IL16: variants seen among roughly 807,000 people sequenced by gnomAD.
IL16 encodes interleukin 16.
In IL16, 67 loss-of-function variants were observed where a neutral mutation model predicts 110.1. The ratio of observed to expected loss-of-function variants is 0.61; its 90% CI spans 0.50 to 0.75. The LOEUF (loss-of-function observed/expected upper bound fraction) is 0.75, where lower values mean the gene tolerates loss of function less well. IL16 is among the 30% of genes least tolerant of loss of function. The pLI, the probability that IL16 is intolerant of heterozygous loss-of-function variation, is 0.00. For synonymous variants in IL16, 689 were observed against 662.9 expected, an observed-to-expected ratio of 1.04 and a Z score of -0.61; for missense variants, 1,545 against 1,655.0, an observed-to-expected ratio of 0.93 and a Z score of 1.15.
chr15:81,186,086 A>G (rs537909241), intron 1 of IL16, among the ~76,000 whole-genome samples: 9 of 152,020 alleles, frequency 5.9e-5, no homozygotes, highest in Admixed American at 1.3e-4. Flanking sequence ...CTGGCAGCCA[A>G]CCCCTCAGTG....
intron 2 of IL16, among the ~76,000 whole-genome samples, chr15:81,233,592 A>G (rs1202272557): frequency 1.3e-5 from 2 of 151,882 alleles, no homozygotes; most frequent in African/African-American, 4.8e-5. Flanking sequence ...ATATATATAC[A>G]TGCATATACA....
chr15:81,208,677 C>T (rs999023162), intron 1 of IL16, among the ~76,000 whole-genome samples: 14 of 152,178 alleles, frequency 9.2e-5, no homozygotes, highest in African/African-American at 3.1e-4. Context: ...CTCATTGTCT[C>T]CTTTTCCCCC....
At chr15:81,220,352 A>G (rs1257196514) in intron 1 of IL16, among the ~76,000 whole-genome samples, 2 of 152,036 alleles carry the variant, frequency 1.3e-5, no homozygotes, top group African/African-American at 4.8e-5. Context: ...ACAGGGTTTC[A>G]CCAGGCTGCC....
In IL16 at chr15:81,278,263, G is replaced by A. The variant is rs1245923573; in HGVS notation, c.791-554G>A. On this transcript the variant is annotated intron_variant, in intron 6 of 18. Coordinates refer to ENST00000683961, the MANE Select transcript of IL16 (RefSeq NM_172217.5). ...CCCCAACAAGCTGCCAGCCTGGCCAGGGAGTGACTGAGGGTGCAGGCCATT... is the reference window on the plus strand; with the variant it reads ...CCCCAACAAGCTGCCAGCCTGGCCAAGGAGTGACTGAGGGTGCAGGCCATT... 3.9e-5 allele frequency among the ~76,000 whole-genome samples: 6 copies of A among 152,108 alleles called. No homozygotes were observed. In the South Asian group the frequency reaches 1.2e-3, roughly 32 times the overall value.
chr15:81,192,839 A>T (rs1371103452), upstream of IL16, among the ~76,000 whole-genome samples: 1 of 152,206 alleles, frequency 6.6e-6, no homozygotes, highest in Non-Finnish European at 1.5e-5. Flanking sequence ...AAGCGGAAAG[A>T]AAGTGGGATA....
In IL16 at chr15:81,259,825, T is replaced by A; in HGVS notation, c.366T>A (p.Ser122Arg). ...REKPGKLEAQ[S>R]SNFLFPKACH... ...AGCCTGGAAAACTAGAAGCACAAAG[T>A]AGTAACTTCCTGTTTCCTAAAGCCT... Residue 122 changes from serine (S) to arginine (R), a missense_variant, in exon 3 of 19, where the codon AGT (serine) becomes AGA (arginine). Physicochemically the swap from Ser to Arg is moderately radical, Grantham distance 110. This residue lies in a region of IL16 where 1,185 missense variants were observed against 1,238.8 expected (regional missense o/e 0.96). Coordinates refer to ENST00000683961, the MANE Select transcript of IL16 (RefSeq NM_172217.5). The A allele has an allele frequency of 6.2e-7, 1 of 1,614,010 alleles. No individual in the cohort carries two copies. Among genetic ancestry groups the A allele is most frequent in the East Asian group, 2.2e-5 (1 of 44,886 alleles).
intron 1 of IL16, among the ~76,000 whole-genome samples, chr15:81,218,123 T>C: frequency 6.6e-6 from 1 of 152,134 alleles, no homozygotes; most frequent in Non-Finnish European, 1.5e-5. Flanking sequence ...AAATTCAAAA[T>C]AACCTACTGA....
chr15:81,254,767 G>A (rs1401741613), intron 2 of IL16, among the ~76,000 whole-genome samples: 5 of 152,182 alleles, frequency 3.3e-5, no homozygotes, highest in Admixed American at 6.5e-5. Context: ...CTGTGCAGAC[G>A]TTCGTGGGGC....
intron 1 of IL16, among the ~76,000 whole-genome samples, chr15:81,190,013 A>T (rs1395884566): frequency 6.6e-6 from 1 of 151,544 alleles, no homozygotes; most frequent in Non-Finnish European, 1.5e-5. Context: ...TCCACCTCGA[A>T]CTCCACCCTT....
Position 81,309,066 on chromosome 15 carries a change from A to G in IL16, c.*268A>G, listed in dbSNP as rs1270964405. The G allele has an allele frequency of 1.1e-5, 4 of 364,926 alleles. No individual in the cohort carries two copies. The highest frequency in any genetic ancestry group is 2.0e-5 in the Non-Finnish European group (4 of 204,364). The allele number at this position is 364,926 out of a possible 1,614,324, so 22.6% of individuals were successfully genotyped here. A position where few individuals can be genotyped will look rare whatever the true frequency, so the allele number is the denominator to read the frequency against. On this transcript the variant is annotated 3_prime_UTR_variant, in exon 19 of 19. Transcript: ENST00000683961. Reference sequence around the variant, plus strand: ...TTAATGATAATATTGTGGTGCCACAAATAAAATGGATTTATTAGAATTTCA... The same window carrying G: ...TTAATGATAATATTGTGGTGCCACAGATAAAATGGATTTATTAGAATTTCA...
At chr15:81,196,760 T>G, upstream of IL16, 2 of 896,018 alleles carry the variant, frequency 2.2e-6, no homozygotes, top group Non-Finnish European at 2.8e-6. Flanking sequence ...TGGTGGACCT[T>G]GTTCTGAGGC....
At chr15:81,254,895 C>T (rs1258032024) in intron 2 of IL16, among the ~76,000 whole-genome samples, 1 of 152,120 alleles carries the variant, frequency 6.6e-6, no homozygotes, top group African/African-American at 2.4e-5. Context: ...GAGAGAGGTG[C>T]CCTTTAAACA....
At chr15:81,189,201 G>A (rs1895462449) in intron 1 of IL16, among the ~76,000 whole-genome samples, 1 of 147,394 alleles carries the variant, frequency 6.8e-6, no homozygotes, top group African/African-American at 2.5e-5. Flanking sequence ...TTGGCTCACT[G>A]CAACCTCCAC....
At chr15:81,243,143 G>GTA (rs1275444035) in intron 2 of IL16, among the ~76,000 whole-genome samples, 3,368 of 47,200 alleles carry the variant, frequency 0.071, 475 homozygotes, top group East Asian at 0.11. Flanking sequence ...AGCTATATAA[G>GTA]TATATATATA....
At chr15:81,244,360 G>GT (rs547330538) in intron 2 of IL16, among the ~76,000 whole-genome samples, 67 of 151,984 alleles carry the variant, frequency 4.4e-4, no homozygotes, top group African/African-American at 1.5e-3. Flanking sequence ...TGCTTTAGCT[G>GT]TTTTTTTGGG....
chr15:81,312,973 G>A lies in IL16; in HGVS notation c.*4175G>A, dbSNP rs750196381. 5.8e-4 allele frequency: 125 copies of A among 215,868 alleles called. No homozygotes were observed. The highest frequency in any genetic ancestry group is 2.0e-4 in the Non-Finnish European group (22 of 108,610). The allele number at this position is 215,868 out of a possible 1,614,324, so 13.4% of individuals were successfully genotyped here. A position where few individuals can be genotyped will look rare whatever the true frequency, so the allele number is the denominator to read the frequency against. On this transcript the variant is annotated 3_prime_UTR_variant, in exon 19 of 19. Transcript: ENST00000683961. ...TGTCCAGGCCGAGTCTCTGTCAGAT[G>A]GTTAGAGGCCTGGGTCTACCCTGCC...
At chr15:81,228,987 T>G (rs1008780998) in intron 2 of IL16, among the ~76,000 whole-genome samples, 2 of 152,136 alleles carry the variant, frequency 1.3e-5, no homozygotes, top group Non-Finnish European at 2.9e-5. Flanking sequence ...CATGAGAAAA[T>G]TCACCTAAAA....
upstream of IL16, among the ~76,000 whole-genome samples, chr15:81,192,599 T>C (rs1895515437): frequency 6.6e-6 from 1 of 152,176 alleles, no homozygotes; most frequent in Non-Finnish European, 1.5e-5. Context: ...CAGAGCAAGA[T>C]GCTGTCTCAA....
intron 5 of IL16, among the ~76,000 whole-genome samples, chr15:81,271,255 AAAAT>A (rs1041961846): frequency 1.3e-5 from 2 of 150,784 alleles, no homozygotes; most frequent in African/African-American, 4.9e-5. Flanking sequence ...TGTCTCTACA[AAAAT>A]AAATAAAATA....
Sources: gnomAD v4.1 joint callset for allele counts (sites outside exome capture counted in the v4.1 genomes callset) on GRCh38, gnomAD v4.1.1 for gene constraint, gnomAD v4.1.1 regional missense constraint, MANE v1.5 for transcripts, NCBI Gene and HGNC (gene_info 2026-07-23, HGNC 2026-07-21) for gene names.